The following CYP3A5 variants were observed in gnomAD, a reference collection of about 807,000 sequenced individuals.
CYP3A5 encodes cytochrome P450 family 3 subfamily A member 5.
In CYP3A5, 51 loss-of-function variants were observed where a neutral mutation model predicts 55.9. The observed-to-expected ratio is 0.91, with a 90% CI of 0.73 to 1.15. The LOEUF is 1.15. CYP3A5 is among the 50% of genes most tolerant of loss of function. The pLI is 0.00. For missense variants in CYP3A5, 533 were observed against 596.6 expected, an observed-to-expected ratio of 0.89 and a Z score of 1.11; for synonymous variants, 196 against 213.9, an observed-to-expected ratio of 0.92 and a Z score of 0.73.
intron 11 of CYP3A5, among the ~76,000 whole-genome samples, chr7:99,651,898 G>A (rs1809226235): frequency 6.6e-6 from 1 of 152,174 alleles, no homozygotes; most frequent in African/African-American, 2.4e-5. Flanking sequence ...GGACCAGGAG[G>A]ACCTGTGCTG....
chr7:99,660,225 T>TC, intron 10 of CYP3A5: 2 of 930,476 alleles, frequency 2.1e-6, no homozygotes, highest in Non-Finnish European at 2.5e-6. Context: ...TTTTTTTTTT[T>TC]TTTTTTTTTT....
intron 1 of CYP3A5, among the ~76,000 whole-genome samples, chr7:99,677,834 A>G (rs1222354606): frequency 1.3e-5 from 2 of 152,164 alleles, no homozygotes; most frequent in Non-Finnish European, 2.9e-5. Flanking sequence ...CTTTAAACAC[A>G]TTACCTGACC....
intron 8 of CYP3A5, chr7:99,663,138 T>C: frequency 8.3e-7 from 1 of 1,203,008 alleles, no homozygotes; most frequent in South Asian, 2.0e-5. Flanking sequence ...TTTCTCATCT[T>C]CTCTGTCTTT....
At chr7:99,666,467 C>G (rs1042156282) in intron 6 of CYP3A5, 134 bp downstream of exon 6, 1 of 947,360 alleles carries the variant, frequency 1.1e-6, no homozygotes, top group African/African-American at 1.6e-5. Flanking sequence ...TCTTAGGTGG[C>G]TCTTTGGAGT....
chr7:99,670,607 C>T (rs577970605), intron 4 of CYP3A5, among the ~76,000 whole-genome samples: 25 of 152,286 alleles, frequency 1.6e-4, no homozygotes, highest in Non-Finnish European at 3.2e-4. Context: ...ATCTGATGTT[C>T]AACTTATAGA....
intron 3 of CYP3A5, among the ~76,000 whole-genome samples, chr7:99,673,624 C>T (rs1437658597): frequency 6.6e-6 from 1 of 152,076 alleles, no homozygotes. Flanking sequence ...CAATCTGTTT[C>T]TCTATTATCT....
intron 2 of CYP3A5, among the ~76,000 whole-genome samples, chr7:99,675,327 T>C (rs1359147327): frequency 1.3e-5 from 2 of 152,156 alleles, no homozygotes; most frequent in Admixed American, 1.3e-4. Flanking sequence ...GTCCCAGAAA[T>C]GTTGATCTAC....
At position 99,652,595 on chromosome 7, in the gene CYP3A5, T is replaced by C; in HGVS notation, c.1211A>G (p.Asp404Gly). 1.9e-6 allele frequency: 3 copies of C among 1,613,900 alleles called. No individual in the cohort carries two copies. Among genetic ancestry groups the C allele is most frequent in the Non-Finnish European group, 2.5e-6 (3 of 1,179,860 alleles). Reference protein sequence around the residue: ...VVIPTYALHHDPKYWTEPEEF... With the variant: ...VVIPTYALHHGPKYWTEPEEF... ...CTCAGGCTCTGTCCAGTACTTTGGG[T>C]CATGGTGAAGAGCATAAGTTGGAAT... is the stretch of plus-strand genomic sequence containing the variant. Residue 404 changes from aspartate (D) to glycine (G), a missense_variant, in exon 11 of 13, where the codon GAC (aspartate) becomes GGC (glycine). Coordinates refer to ENST00000222982, the MANE Select transcript of CYP3A5 (RefSeq NM_000777.5).
rs756677833 is a variant in CYP3A5, at chr7:99,652,575, G to A, written c.1231C>T (p.Pro411Ser). Residue 411 changes from proline to serine, a missense_variant, in exon 11 of 13, where the codon CCT (proline) becomes TCT (serine). By Grantham distance (74) the Pro-to-Ser change is moderately conservative. Transcript: ENST00000222982. ...TACCTTTCAGGGCGGAACTCCTCAG[G>A]CTCTGTCCAGTACTTTGGGTCATGG... The part of the protein sequence containing the change: ...LHHDPKYWTE[P>S]EEFRPERFSK... 1.1e-5 allele frequency: 17 copies of A among 1,612,388 alleles called. No homozygotes were observed. In the Admixed American group the frequency reaches 2.8e-4, roughly 27 times the overall value.
Position 99,662,934 on chromosome 7 carries a change from A to G in CYP3A5, c.799-52T>C. On this transcript the variant is annotated intron_variant, in intron 8 of 12. Transcript: ENST00000222982. This position sits in a 1 kb window ranked among gnomAD's most constrained non-coding sequence, Gnocchi z 4.3. ...GGCAGAAAGTGACTCGTGAAGTCAG[A>G]AGTAAATCAAAAGTGCAGTCCTCAA... is the stretch of plus-strand genomic sequence containing the variant. 1 of 1,608,732 alleles carries G rather than the reference A, an allele frequency of 6.2e-7. No individual in the cohort carries two copies. The highest frequency in any genetic ancestry group is 8.5e-7 in the Non-Finnish European group (1 of 1,176,632).
At position 99,650,093 on chromosome 7, in the gene CYP3A5, T is replaced by C. The variant is rs2151351407; in HGVS notation, c.1393A>G (p.Lys465Glu). 6.2e-7 allele frequency: 1 copy of C among 1,614,154 alleles called. No individual in the cohort carries two copies. The highest frequency in any genetic ancestry group is 2.2e-5 in the East Asian group (1 of 44,880). The change falls in exon 12 of 13, where the codon AAA (lysine) becomes GAA (glutamate). Residue 465 changes from lysine to glutamate, a missense_variant. Coordinates refer to ENST00000222982, the MANE Select transcript of CYP3A5 (RefSeq NM_000777.5). ...LIRVLQNFSF[K>E]PCKETQIPLK... ...CTGACCTGTGTTTCTTTACAAGGTTTGAAGGAGAAGTTCTGAAGGACTCTG... is the reference window on the plus strand; with the variant it reads ...CTGACCTGTGTTTCTTTACAAGGTTCGAAGGAGAAGTTCTGAAGGACTCTG...
At chr7:99,658,595 G>A (rs189454936) in intron 10 of CYP3A5, among the ~76,000 whole-genome samples, 16 of 152,070 alleles carry the variant, frequency 1.1e-4, no homozygotes, top group African/African-American at 2.9e-4. Context: ...TCTTTGTGGC[G>A]TTCTCTGTAT....
chr7:99,652,632 A>G lies in CYP3A5; in HGVS notation c.1174T>C (p.Ser392Pro), dbSNP rs751832206. 8.7e-6 allele frequency: 14 copies of G among 1,613,932 alleles called. No homozygotes were observed. The highest frequency in any genetic ancestry group is 1.1e-5 in the Non-Finnish European group (13 of 1,179,952). ...EINGVFIPKG[S>P]MVVIPTYALH... ...GCATAAGTTGGAATCACCACCATTG[A>G]CCCTTTGGGAATGAATACCCCATTG... The change falls in exon 11 of 13, where the codon TCA becomes CCA. Residue 392 changes from serine to proline, a missense_variant. Ser to Pro is a moderately conservative substitution (Grantham distance 74). Coordinates refer to ENST00000222982, the MANE Select transcript of CYP3A5 (RefSeq NM_000777.5).
chr7:99,660,091 A>G (rs1048626768), intron 10 of CYP3A5: 9 of 532,014 alleles, frequency 1.7e-5, no homozygotes, highest in Admixed American at 6.2e-5. Context: ...CTCTCCAACA[A>G]TCCCCATTGA....
intron 10 of CYP3A5, among the ~76,000 whole-genome samples, chr7:99,656,989 T>C (rs1375512140): frequency 1.3e-5 from 2 of 152,320 alleles, no homozygotes; most frequent in Admixed American, 6.5e-5. Context: ...TTATTAGTCT[T>C]GCTAGCATTC....
At chr7:99,648,507 A>C in intron 12 of CYP3A5, 107 bp from the exon 13 acceptor site, 2 of 667,014 alleles carry the variant, frequency 3.0e-6, no homozygotes, top group Non-Finnish European at 4.9e-6. Context: ...AAGCATATAA[A>C]AACGACTCTT....
Position 99,660,555 on chromosome 7 carries a change from G to C in CYP3A5, c.970C>G (p.His324Asp). 6.2e-7 allele frequency: 1 copy of C among 1,613,912 alleles called. No individual in the cohort carries two copies. The highest frequency in any genetic ancestry group is 8.5e-7 in the Non-Finnish European group (1 of 1,179,950). ...LSFTLYELAT[H>D]PDVQQKLQKE... ...TGCAGTTTCTGCTGGACATCAGGGT[G>C]AGTGGCCAGTTCATATAAAGTGAAG... is the stretch of plus-strand genomic sequence containing the variant. The change falls in exon 10 of 13, where the codon CAC (histidine) becomes GAC (aspartate). Residue 324 changes from histidine to aspartate, a missense_variant. His to Asp is a moderately conservative substitution (Grantham distance 81). Coordinates refer to ENST00000222982, the MANE Select transcript of CYP3A5 (RefSeq NM_000777.5).
chr7:99,649,369 A>G (rs10249369), intron 12 of CYP3A5, among the ~76,000 whole-genome samples: 6,824 of 152,298 alleles, frequency 0.045, 342 homozygotes, highest in African/African-American at 0.13. Flanking sequence ...CTTATAGGCT[A>G]TTGCTTAATA....
At chr7:99,658,221 AG>A (rs1164398546) in intron 10 of CYP3A5, among the ~76,000 whole-genome samples, 14 of 152,070 alleles carry the variant, frequency 9.2e-5, no homozygotes, top group Non-Finnish European at 1.3e-4. Flanking sequence ...GGCTGGTACC[AG>A]TTGTTCCTTT....
Sources: allele counts gnomAD v4.1 joint callset (sites outside exome capture counted in the v4.1 genomes callset), GRCh38; gene constraint gnomAD v4.1.1; non-coding constraint Gnocchi (gnomAD v3.1); transcripts MANE v1.5; gene names NCBI Gene and HGNC (gene_info 2026-07-23, HGNC 2026-07-21).